The following NLRP12 variants were observed in gnomAD, a reference collection of about 807,000 sequenced individuals.
The protein encoded by NLRP12 is NACHT, LRR and PYD domains-containing protein 12.
In NLRP12, 108 loss-of-function variants were observed where a neutral mutation model predicts 91.2. That is an observed-to-expected ratio of 1.18 (90% CI 1.01 to 1.39). NLRP12 has a LOEUF of 1.39. Ranked by LOEUF, NLRP12 falls within the 40% of genes most tolerant of loss-of-function variation. The pLI is 0.00. For missense variants in NLRP12, 1,530 were observed against 1,352.7 expected (o/e 1.13, Z -2.06); for synonymous variants, 613 against 566.7 (o/e 1.08, Z -1.16).
Position 53,807,212 on chromosome 19 carries a change from C to T in NLRP12, c.2243+283G>A, listed in dbSNP as rs112792284. ...CCTCCCAAGCAGCTGGGATTACAGG[C>T]GCCCGCCACCACACCCTCCTGATTT... On this transcript the variant is annotated intron_variant, in intron 4 of 9. Coordinates refer to ENST00000324134, the MANE Select transcript of NLRP12 (RefSeq NM_144687.4). Among the ~76,000 whole-genome samples the T allele has an allele frequency of 4.3e-3, 659 of 152,178 alleles. 3 individuals are homozygous for T. The highest frequency in any genetic ancestry group is 0.014 in the African/African-American group (586 of 41,522).
intron 1 of NLRP12, among the ~76,000 whole-genome samples, chr19:53,820,842 T>TCACC (rs1568698571): frequency 6.6e-6 from 1 of 150,648 alleles, no homozygotes; most frequent in African/African-American, 2.4e-5. Flanking sequence ...CGCCCATCAC[T>TCACC]GCGCCCAGCT....
At chr19:53,806,771 T>C (rs1168580740) in intron 4 of NLRP12, among the ~76,000 whole-genome samples, 3 of 142,860 alleles carry the variant, frequency 2.1e-5, no homozygotes, top group South Asian at 4.5e-4. Context: ...AGCAAGAGGA[T>C]CGCTTGAGTC....
chr19:53,800,033 G>A (rs1229761448), intron 7 of NLRP12, among the ~76,000 whole-genome samples: 1 of 152,098 alleles, frequency 6.6e-6, no homozygotes, highest in Non-Finnish European at 1.5e-5. Context: ...AGGCGCAGTG[G>A]CTCACGCCTG....
intron 3 of NLRP12, 45 bp downstream of exon 3, chr19:53,809,539 AAAC>A (rs767172384): frequency 2.0e-6 from 3 of 1,469,124 alleles, no homozygotes; most frequent in East Asian, 2.3e-5. Flanking sequence ...AAAAAAAAAA[AAAC>A]ACACGAACCT....
intron 8 of NLRP12, 77 bp downstream of exon 8, chr19:53,798,166 T>G (rs890460709): frequency 5.4e-6 from 8 of 1,469,750 alleles, no homozygotes; most frequent in Non-Finnish European, 6.7e-6. Context: ...AGTTCATAAA[T>G]AGAAAAATGA....
rs755043514 is a variant in NLRP12, at chr19:53,807,481, C to A, written c.2243+14G>T. On this transcript the variant is annotated intron_variant, in intron 4 of 9. Transcript: ENST00000324134. ...TGGGGACCACCTGAAACGCCCAGACCAGCCTGCACTCACCTCAGGTTCTGA... is the reference window on the plus strand; with the variant it reads ...TGGGGACCACCTGAAACGCCCAGACAAGCCTGCACTCACCTCAGGTTCTGA... The A allele has an allele frequency of 6.2e-7, 1 of 1,612,370 alleles. No individual in the cohort carries two copies. Among genetic ancestry groups the A allele is most frequent in the South Asian group, 1.1e-5 (1 of 90,798 alleles).
chr19:53,823,498 A>AAAATATATAT (rs1568703260), intron 1 of NLRP12, among the ~76,000 whole-genome samples: 1 of 56,806 alleles, frequency 1.8e-5, no homozygotes, highest in Non-Finnish European at 3.4e-5. Flanking sequence ...AAATATATTT[A>AAAATATATAT]TTTAAAATAT....
chr19:53,813,547 C>G (rs2122704613), intron 2 of NLRP12, among the ~76,000 whole-genome samples: 1 of 152,128 alleles, frequency 6.6e-6, no homozygotes, highest in South Asian at 2.1e-4. Context: ...CATGATCTGC[C>G]CGCCTGAGCC....
At chr19:53,823,395 A>AATATATATTTAAAATATATGTTTTAAAT (rs1278301556) in intron 1 of NLRP12, among the ~76,000 whole-genome samples, 107 of 134,614 alleles carry the variant, frequency 7.9e-4, no homozygotes, top group African/African-American at 2.7e-3. Flanking sequence ...ACATATTTTA[A>AATATATATTTAAAATATATGTTTTAAAT]ATATATATTT....
intron 5 of NLRP12, 44 bp from the exon 6 acceptor site, chr19:53,804,166 C>T: frequency 6.2e-7 from 1 of 1,601,054 alleles, no homozygotes; most frequent in African/African-American, 1.3e-5. Context: ...TCTTGCTTTT[C>T]TATGTCGTGA....
At chr19:53,818,646 C>CA (rs2122743895) in intron 1 of NLRP12, among the ~76,000 whole-genome samples, 1 of 152,070 alleles carries the variant, frequency 6.6e-6, no homozygotes, top group East Asian at 1.9e-4. Context: ...GCCTGGGTGA[C>CA]AGAGTGAGAC....
Position 53,824,088 on chromosome 19 carries a change from C to T in NLRP12, c.87G>A (p.Lys29=). ...GCTCTGTCGCGGTCCCCAGGTATAA[C>T]TTGAACTTCTTCAGTTCCACAGCCT... ...ELEAVELKKF[K]LYLGTATELG... Residue 29 remains lysine, a synonymous_variant, in exon 1 of 10, where the codon AAG becomes AAA. Coordinates refer to ENST00000324134, the MANE Select transcript of NLRP12 (RefSeq NM_144687.4). 1 of 1,614,118 alleles carries T rather than the reference C, an allele frequency of 6.2e-7. No homozygotes were observed. The highest frequency in any genetic ancestry group is 8.5e-7 in the Non-Finnish European group (1 of 1,180,018).
chr19:53,821,581 T>C (rs1484030162), intron 1 of NLRP12, among the ~76,000 whole-genome samples: 3 of 152,054 alleles, frequency 2.0e-5, no homozygotes, highest in Admixed American at 6.6e-5. Flanking sequence ...GGCAGGAGAA[T>C]GGCGTGAACC....
At chr19:53,821,396 C>T (rs963720517) in intron 1 of NLRP12, among the ~76,000 whole-genome samples, 7 of 151,738 alleles carry the variant, frequency 4.6e-5, no homozygotes, top group African/African-American at 1.7e-4. Flanking sequence ...TGGCTGGGCA[C>T]GGTGGCTCAC....
chr19:53,809,597 A>G lies in NLRP12; in HGVS notation c.2062T>C (p.Leu688=). The G allele has an allele frequency of 6.2e-7, 1 of 1,610,800 alleles. No homozygotes were observed. Among genetic ancestry groups the G allele is most frequent in the Non-Finnish European group, 8.5e-7 (1 of 1,179,382 alleles). ...ARCSAGAHTL[L]VQLPERTVLL... is the part of the protein sequence containing the mutation. The stretch of plus-strand genomic sequence containing the variant: ...CCCAGGGATACTTACAGCTGCACCA[A>G]CAGCGTGTGCGCTCCTGCGGAGCAC... Residue 688 remains leucine, a synonymous_variant, in exon 3 of 10, where the codon TTG becomes CTG. Coordinates refer to ENST00000324134, the MANE Select transcript of NLRP12 (RefSeq NM_144687.4).
chr19:53,810,900 C>T lies in NLRP12; in HGVS notation c.759G>A (p.Arg253=). 6.2e-7 allele frequency: 1 copy of T among 1,614,124 alleles called. No individual in the cohort carries two copies. Among genetic ancestry groups the T allele is most frequent in the Middle Eastern group, 1.6e-4 (1 of 6,062 alleles). The part of the protein sequence containing the change: ...RFDYLFYINC[R]EMNQSATECS... ...ATTCCGTGGCACTCTGGTTCATCTC[C>T]CTGCAGTTGATGTAGAAGAGATAAT... is the stretch of plus-strand genomic sequence containing the variant. The change falls in exon 3 of 10, where the codon AGG becomes AGA. Residue 253 remains arginine, a synonymous_variant. Coordinates refer to ENST00000324134, the MANE Select transcript of NLRP12 (RefSeq NM_144687.4).
chr19:53,805,269 T>C lies in NLRP12; in HGVS notation c.2414+11A>G. On this transcript the variant is annotated intron_variant, in intron 5 of 9. Transcript: ENST00000324134. ...GAGCTTAAGAAGTTGCTCCCGGGGA[T>C]AGAGACTCACTGAATCATCTGCAGC... 6.2e-7 allele frequency: 1 copy of C among 1,613,510 alleles called. No homozygotes were observed. The highest frequency in any genetic ancestry group is 1.3e-5 in the African/African-American group (1 of 75,028).
intron 4 of NLRP12, among the ~76,000 whole-genome samples, chr19:53,806,452 G>A (rs2091959197): frequency 6.6e-6 from 1 of 151,868 alleles, no homozygotes; most frequent in African/African-American, 2.4e-5. Flanking sequence ...GGAGGCCGAG[G>A]TGGGTGGATC....
chr19:53,814,330 G>A (rs1038095637), intron 2 of NLRP12, among the ~76,000 whole-genome samples: 2 of 152,006 alleles, frequency 1.3e-5, no homozygotes, highest in Non-Finnish European at 2.9e-5. Flanking sequence ...TAACAGGGAG[G>A]AAGAAGGCCT....
Sources: gnomAD v4.1 joint callset for allele counts (sites outside exome capture counted in the v4.1 genomes callset) on GRCh38, gnomAD v4.1.1 for gene constraint, MANE v1.5 for transcripts, NCBI Gene and HGNC (gene_info 2026-07-23, HGNC 2026-07-21) for gene names.